MYOM3: variants seen among roughly 807,000 people sequenced by gnomAD.
MYOM3 encodes myomesin-3.
Under a neutral mutation model 191.7 loss-of-function variants are expected in MYOM3, and 155 were observed. The observed-to-expected ratio is 0.81, with a 90% CI of 0.71 to 0.92. The LOEUF is 0.92. Among genes scored for constraint, MYOM3 ranks in the 40% least tolerant of loss-of-function variants. The pLI, the probability that MYOM3 is intolerant of heterozygous loss-of-function variation, is 0.00. For missense variants in MYOM3, 1,889 were observed against 1,890.6 expected, an observed-to-expected ratio of 1.00 and a Z score of 0.02; for synonymous variants, 757 against 762.9, an observed-to-expected ratio of 0.99 and a Z score of 0.13.
intron 29 of MYOM3, among the ~76,000 whole-genome samples, chr1:24,065,529 C>T (rs542636827): frequency 8.5e-5 from 13 of 152,242 alleles, no homozygotes; most frequent in South Asian, 8.3e-4. Context: ...CCTTCCAACC[C>T]GCTCATGTTG....
At chr1:24,091,460 C>T (rs1373632687) in intron 11 of MYOM3, among the ~76,000 whole-genome samples, 1 of 152,172 alleles carries the variant, frequency 6.6e-6, no homozygotes, top group East Asian at 1.9e-4. Flanking sequence ...CTCTTGGTAC[C>T]ATTGTTCCAG....
At position 24,074,225 on chromosome 1, in the gene MYOM3, G is replaced by A. The variant is rs1298164466; in HGVS notation, c.2903C>T (p.Thr968Ile). 1.7e-5 allele frequency: 27 copies of A among 1,614,136 alleles called. No homozygotes were observed. Among genetic ancestry groups the A allele is most frequent in the Non-Finnish European group, 2.2e-5 (26 of 1,180,004 alleles). The part of the protein sequence containing the change: ...LKEPGLEDLG[T>I]YSVIVTDADE... ...GGCATCAGTGACTATGACTGAGTAG[G>A]TGCCCAAATCCTCGAGGCCGGGTTC... Residue 968 changes from threonine to isoleucine, a missense_variant, in exon 23 of 37, where the codon ACC becomes ATC. Thr to Ile is a moderately conservative substitution (Grantham distance 89). Coordinates refer to ENST00000374434, the MANE Select transcript of MYOM3 (RefSeq NM_152372.4).
rs1019126234 is a variant in MYOM3, at chr1:24,111,545, T to G, written c.-19+486A>C. 6.6e-6 allele frequency among the ~76,000 whole-genome samples: 1 copy of G among 152,204 alleles called. No homozygotes were observed. The highest frequency in any genetic ancestry group is 2.4e-5 in the African/African-American group (1 of 41,450). ...TTCCCGTCTGGGCCTCGGTTTCCTG[T>G]CAGGCACTGGATGAAATCCCTTCCA... On this transcript the variant is annotated intron_variant, in intron 1 of 36. Transcript: ENST00000374434. The surrounding 1 kb of genome is among the most constrained non-coding windows in gnomAD (Gnocchi z 4.7).
chr1:24,077,984 G>A (rs146515818), intron 20 of MYOM3, among the ~76,000 whole-genome samples: 3 of 152,198 alleles, frequency 2.0e-5, no homozygotes, highest in South Asian at 2.1e-4. Flanking sequence ...AATTTTTTCC[G>A]ATTATAAAAG....
chr1:24,107,735 G>A (rs1027185292), intron 3 of MYOM3, among the ~76,000 whole-genome samples: 4 of 152,222 alleles, frequency 2.6e-5, no homozygotes, highest in Non-Finnish European at 2.9e-5. Flanking sequence ...AAGCCCAGAA[G>A]TCTGTTGGTG....
chr1:24,058,173 T>G (rs1643326764), intron 36 of MYOM3, among the ~76,000 whole-genome samples: 1 of 152,224 alleles, frequency 6.6e-6, no homozygotes, highest in South Asian at 2.1e-4. Context: ...CTCGCAATTA[T>G]CGGTCCCAGA....
In MYOM3 at chr1:24,085,213, G is replaced by C. The variant is rs1257914574; in HGVS notation, c.1799-574C>G. Among the ~76,000 whole-genome samples, 3 of 151,754 alleles carry C rather than the reference G, an allele frequency of 2.0e-5. No homozygotes were observed. The East Asian group carries it at 5.8e-4, about 29-fold the overall frequency. On this transcript the variant is annotated intron_variant, in intron 15 of 36. Transcript: ENST00000374434. The stretch of plus-strand genomic sequence containing the variant: ...GGATGGATGGATGGATAGATGGATG[G>C]ATGAATGGATGGATGGATGGACAGG...
In MYOM3 at chr1:24,105,746, C is replaced by T. The variant is rs74061498; in HGVS notation, c.560+174G>A. On this transcript the variant is annotated intron_variant, in intron 5 of 36. Coordinates refer to ENST00000374434, the MANE Select transcript of MYOM3 (RefSeq NM_152372.4). ...GCACACAGCAGCCTGAGCGAGGCCC[C>T]GCCTCTAAAAAAAATAACCCAGGCC... 6.6e-3 allele frequency among the ~76,000 whole-genome samples: 1,005 copies of T among 152,254 alleles called. 14 individuals carry two copies. Among genetic ancestry groups the T allele is most frequent in the African/African-American group, 0.023 (971 of 41,534 alleles).
At chr1:24,107,366 T>C in intron 3 of MYOM3, 134 bp from the exon 4 acceptor site, 4 of 755,022 alleles carry the variant, frequency 5.3e-6, no homozygotes, top group Non-Finnish European at 8.2e-6. Flanking sequence ...TTTTGCATCT[T>C]CCCTTGCCTC....
Position 24,106,036 on chromosome 1 carries a change from C to T in MYOM3, c.444G>A (p.Leu148=), listed in dbSNP as rs1643980147. The part of the protein sequence containing the change: ...KVQEAKELRE[L]CYGRGPWFWI... Reference sequence around the variant, plus strand: ...AGAACCAGGGCCCGCGGCCGTAGCACAGCTCCCTCAGCTCCTTGGCCTCCT... The same window carrying T: ...AGAACCAGGGCCCGCGGCCGTAGCATAGCTCCCTCAGCTCCTTGGCCTCCT... Residue 148 remains leucine, a synonymous_variant, in exon 5 of 37, where the codon CTG becomes CTA. Transcript: ENST00000374434. The T allele has an allele frequency of 1.9e-6, 3 of 1,613,498 alleles. No homozygotes were observed. The highest frequency in any genetic ancestry group is 2.5e-6 in the Non-Finnish European group (3 of 1,179,914).
intron 2 of MYOM3, 131 bp from the exon 3 acceptor site, chr1:24,108,204 G>T: frequency 1.1e-6 from 1 of 885,340 alleles, no homozygotes. Flanking sequence ...CCTCATACTG[G>T]GGTCTCAGAA....
chr1:24,070,355 GCAGGAGGA>G (rs1432288480), intron 25 of MYOM3, among the ~76,000 whole-genome samples: 1 of 152,098 alleles, frequency 6.6e-6, no homozygotes, highest in African/African-American at 2.4e-5. Context: ...GGAGGCTGAG[GCAGGAGGA>G]TTGCCTGAGT....
At chr1:24,097,782 G>C in intron 7 of MYOM3, 141 bp downstream of exon 7, 2 of 716,784 alleles carry the variant, frequency 2.8e-6, no homozygotes, top group Non-Finnish European at 5.1e-6. Context: ...GAGTCTCCAG[G>C]GCTGCCCTGG....
rs1644041915 is a variant in MYOM3, at chr1:24,112,078, G to A, written c.-66C>T. Reference sequence around the variant, plus strand: ...AGTCTCTGGGGAGAAGATTCCTGAGGCCGAGAGGGTCCTTGTTCTCTTCTT... The same window carrying A: ...AGTCTCTGGGGAGAAGATTCCTGAGACCGAGAGGGTCCTTGTTCTCTTCTT... On this transcript the variant is annotated 5_prime_UTR_variant, in exon 1 of 37. Coordinates refer to ENST00000374434, the MANE Select transcript of MYOM3 (RefSeq NM_152372.4). The A allele has an allele frequency of 6.6e-6, 1 of 152,228 alleles. No individual in the cohort carries two copies. The highest frequency in any genetic ancestry group is 2.1e-4 in the South Asian group (1 of 4,826). 9.4% of individuals were successfully genotyped at this position (152,228 alleles called of 1,614,324 possible). A position where few individuals can be genotyped will look rare whatever the true frequency, so the allele number is the denominator to read the frequency against.
In MYOM3 at chr1:24,056,175, A is replaced by G. The variant is rs1643298730; in HGVS notation, c.*1189T>C. ...AAAGAAAAAAGTTGGGGGGCAGAGAAATGCCCAGCTCAGTACTGAGATCCA... is the reference window on the plus strand; with the variant it reads ...AAAGAAAAAAGTTGGGGGGCAGAGAGATGCCCAGCTCAGTACTGAGATCCA... On this transcript the variant is annotated 3_prime_UTR_variant, in exon 37 of 37. Transcript: ENST00000374434. The G allele has an allele frequency of 2.6e-5, 4 of 152,132 alleles. No individual in the cohort carries two copies. Among genetic ancestry groups the G allele is most frequent in the African/African-American group, 9.7e-5 (4 of 41,426 alleles). The allele number at this position is 152,132 out of a possible 1,614,324, so 9.4% of individuals were successfully genotyped here.
chr1:24,066,932 G>A, intron 28 of MYOM3, 89 bp downstream of exon 28: 1 of 1,211,188 alleles, frequency 8.3e-7, no homozygotes. Flanking sequence ...AATTTAGGGG[G>A]CCGGGTGGGC....
chr1:24,072,462 G>A (rs1033548940), intron 23 of MYOM3, among the ~76,000 whole-genome samples: 2 of 152,080 alleles, frequency 1.3e-5, no homozygotes, highest in African/African-American at 2.4e-5. Context: ...ACGACACACC[G>A]AGCACTGCAG....
chr1:24,068,496 G>T (rs567739251), intron 25 of MYOM3, 129 bp from the exon 26 acceptor site: 2 of 1,101,618 alleles, frequency 1.8e-6, no homozygotes, highest in East Asian at 2.4e-5. Flanking sequence ...GGGGCTGGCC[G>T]TTGGGTAACC....
Position 24,057,482 on chromosome 1 carries a change from C to T in MYOM3, c.4196G>A (p.Ser1399Asn), listed in dbSNP as rs760594500. The T allele has an allele frequency of 3.7e-6, 6 of 1,614,234 alleles. No individual in the cohort carries two copies. The South Asian group carries it at 4.4e-5, about 12-fold the overall frequency. The change falls in exon 37 of 37, where the codon AGT (serine) becomes AAT (asparagine). Residue 1399 changes from serine to asparagine, a missense_variant. Ser to Asn is a conservative substitution (Grantham distance 46). Transcript: ENST00000374434. ...EVTITIEKVNSEDSGRYGVFV... is the reference protein window; with the variant it reads ...EVTITIEKVNNEDSGRYGVFV... ...GACGCCGTAGCGGCCGCTGTCTTCACTGTTGACCTTCTCAATGGTGATGGT... is the reference window on the plus strand; with the variant it reads ...GACGCCGTAGCGGCCGCTGTCTTCATTGTTGACCTTCTCAATGGTGATGGT...
Sources: allele counts gnomAD v4.1 joint callset (sites outside exome capture counted in the v4.1 genomes callset), GRCh38; gene constraint gnomAD v4.1.1; non-coding constraint Gnocchi (gnomAD v3.1); transcripts MANE v1.5; gene names NCBI Gene and HGNC (gene_info 2026-07-23, HGNC 2026-07-21).